The following PDE11A variants were observed in gnomAD, a reference collection of about 807,000 sequenced individuals.
PDE11A encodes the protein dual 3',5'-cyclic-AMP and -GMP phosphodiesterase 11A.
Under a neutral mutation model 100.5 loss-of-function variants are expected in PDE11A, and 100 were observed. The observed-to-expected ratio is 1.00, with a 90% CI of 0.85 to 1.18. PDE11A has a LOEUF of 1.18. Ranked by LOEUF, PDE11A falls within the 50% of genes most tolerant of loss-of-function variation. The pLI is 0.00. For synonymous variants in PDE11A, 381 were observed against 420.8 expected (o/e 0.91, Z 1.16); for missense variants, 1,141 against 1,152.6 (o/e 0.99, Z 0.15).
At chr2:177,917,380 A>C (rs1334564682) in intron 2 of PDE11A, among the ~76,000 whole-genome samples, 1 of 152,120 alleles carries the variant, frequency 6.6e-6, no homozygotes, top group Non-Finnish European at 1.5e-5. Context: ...ATCTCTCACC[A>C]TTGCTGCAAC....
At chr2:177,631,185 C>A (rs1414499322) in intron 19 of PDE11A, among the ~76,000 whole-genome samples, 1 of 151,208 alleles carries the variant, frequency 6.6e-6, no homozygotes, top group Non-Finnish European at 1.5e-5. Flanking sequence ...ATGGCTCATG[C>A]CTGTAATCCC....
At position 177,956,512 on chromosome 2, in the gene PDE11A, G is replaced by A. The variant is rs1391572000; in HGVS notation, c.1072-51325C>T. 2.6e-5 allele frequency among the ~76,000 whole-genome samples: 4 copies of A among 152,242 alleles called. No individual in the cohort carries two copies. The East Asian group carries it at 7.7e-4, about 29-fold the overall frequency. ...TGGAAGTCAGTGTGGTGATTCCTCA[G>A]GGATCTAGAACTAGAAATACCATTT... On this transcript the variant is annotated intron_variant, in intron 2 of 19. Coordinates refer to ENST00000286063, the MANE Select transcript of PDE11A (RefSeq NM_016953.4).
At chr2:178,102,388 G>A (rs990240244) in intron 2 of PDE11A, among the ~76,000 whole-genome samples, 1 of 146,146 alleles carries the variant, frequency 6.8e-6, no homozygotes, top group Non-Finnish European at 1.5e-5. Context: ...GCCTCCCAAA[G>A]TGCTGGGATT....
At chr2:177,686,045 G>A (rs1178346369) in intron 15 of PDE11A, among the ~76,000 whole-genome samples, 3 of 152,124 alleles carry the variant, frequency 2.0e-5, no homozygotes, top group African/African-American at 4.8e-5. Flanking sequence ...GGACAAAAGG[G>A]AACATCCAGT....
intron 4 of PDE11A, among the ~76,000 whole-genome samples, chr2:177,883,702 G>A (rs2084383645): frequency 6.6e-6 from 1 of 152,152 alleles, no homozygotes; most frequent in South Asian, 2.1e-4. Context: ...TTCAATAAAG[G>A]GGCAAGCTAT....
At chr2:177,997,644 C>G in intron 2 of PDE11A, 1 of 1,461,642 alleles carries the variant, frequency 6.8e-7, no homozygotes, top group Non-Finnish European at 9.6e-7. Context: ...AGTATTGCAG[C>G]CTGATTTTGA....
intron 1 of PDE11A, among the ~76,000 whole-genome samples, chr2:178,038,724 G>T (rs1268994356): frequency 6.6e-6 from 1 of 152,120 alleles, no homozygotes; most frequent in Non-Finnish European, 1.5e-5. Context: ...TTCTTGGCTG[G>T]GAGGTAAATG....
chr2:177,949,619 T>C (rs35228328), intron 2 of PDE11A, among the ~76,000 whole-genome samples: 9,547 of 152,232 alleles, frequency 0.063, 311 homozygotes, highest in South Asian at 0.094. Flanking sequence ...ATAAATGTGA[T>C]AAAACATGTG....
chr2:177,710,035 G>A (rs1466588569), intron 13 of PDE11A, among the ~76,000 whole-genome samples: 4 of 152,062 alleles, frequency 2.6e-5, no homozygotes, highest in African/African-American at 9.7e-5. Flanking sequence ...GGGGATTAGG[G>A]TAGGCTTTTT....
intron 19 of PDE11A, among the ~76,000 whole-genome samples, chr2:177,630,489 G>C (rs1334710883): frequency 6.6e-6 from 1 of 152,040 alleles, no homozygotes; most frequent in African/African-American, 2.4e-5. Flanking sequence ...GGTAACATGG[G>C]GGCAGGGCCG....
chr2:177,955,751 T>C (rs1559022628), intron 2 of PDE11A, among the ~76,000 whole-genome samples: 1 of 152,154 alleles, frequency 6.6e-6, no homozygotes, highest in Non-Finnish European at 1.5e-5. Context: ...TCAGAAATAA[T>C]GCCACATATC....
chr2:177,732,274 TC>T (rs1482955122), intron 10 of PDE11A, among the ~76,000 whole-genome samples: 1 of 152,224 alleles, frequency 6.6e-6, no homozygotes, highest in Non-Finnish European at 1.5e-5. Context: ...AATTCTTTAC[TC>T]CTATCATGTG....
At chr2:177,923,048 T>C (rs2105756021) in intron 2 of PDE11A, among the ~76,000 whole-genome samples, 1 of 152,334 alleles carries the variant, frequency 6.6e-6, no homozygotes, top group East Asian at 1.9e-4. Flanking sequence ...TGCATTCTCC[T>C]CATTCCACCA....
chr2:177,769,385 G>T lies in PDE11A; in HGVS notation c.1738-12C>A. 1 of 1,504,180 alleles carries T rather than the reference G, an allele frequency of 6.6e-7. No homozygotes were observed. The highest frequency in any genetic ancestry group is 9.2e-7 in the Non-Finnish European group (1 of 1,084,868). The allele number at this position is 1,504,180 out of a possible 1,614,324, so 93.2% of individuals were successfully genotyped here. On this transcript the variant is annotated splice_polypyrimidine_tract_variant and intron_variant, in intron 9 of 19. Coordinates refer to ENST00000286063, the MANE Select transcript of PDE11A (RefSeq NM_016953.4). ...TGGTATGATAGCACCTGATTCAGAA[G>T]AAAAAAAAATAATTTTAATAACTAG... is the stretch of plus-strand genomic sequence containing the variant.
At chr2:178,032,768 T>G (rs2086565494) in intron 1 of PDE11A, among the ~76,000 whole-genome samples, 1 of 152,206 alleles carries the variant, frequency 6.6e-6, no homozygotes, top group Admixed American at 6.5e-5. Context: ...GGGTCTAGAG[T>G]GGACCTCCAG....
chr2:177,799,228 A>G (rs981856488), intron 9 of PDE11A, among the ~76,000 whole-genome samples: 1 of 152,214 alleles, frequency 6.6e-6, no homozygotes, highest in Non-Finnish European at 1.5e-5. Flanking sequence ...GACATGATGA[A>G]TCAATGTAAT....
intron 1 of PDE11A, among the ~76,000 whole-genome samples, chr2:178,052,890 A>G (rs1279979203): frequency 6.6e-6 from 1 of 152,218 alleles, no homozygotes; most frequent in East Asian, 1.9e-4. Flanking sequence ...CCAACAAAAA[A>G]AAGTCCAGGA....
At chr2:178,004,547 T>C (rs1178170400) in intron 2 of PDE11A, among the ~76,000 whole-genome samples, 1 of 152,204 alleles carries the variant, frequency 6.6e-6, no homozygotes, top group African/African-American at 2.4e-5. Context: ...AGTTCTTTAA[T>C]AACAATTTTG....
intron 12 of PDE11A, among the ~76,000 whole-genome samples, chr2:177,725,353 C>T (rs1302970135): frequency 6.6e-6 from 1 of 152,124 alleles, no homozygotes; most frequent in Non-Finnish European, 1.5e-5. Flanking sequence ...GACTGTAACC[C>T]TTAGTTAAGT....
Sources: gnomAD v4.1 joint callset for allele counts (sites outside exome capture counted in the v4.1 genomes callset) on GRCh38, gnomAD v4.1.1 for gene constraint, MANE v1.5 for transcripts, NCBI Gene and HGNC (gene_info 2026-07-23, HGNC 2026-07-21) for gene names.